EPHA6: variants seen among roughly 807,000 people sequenced by gnomAD.
EPHA6 encodes the protein ephrin type-A receptor 6.
Under a neutral mutation model 112.0 loss-of-function variants are expected in EPHA6, and 50 were observed. The ratio of observed to expected loss-of-function variants is 0.45; its 90% CI spans 0.36 to 0.56. The LOEUF is 0.56. Among genes scored for constraint, EPHA6 ranks in the 20% least tolerant of loss-of-function variants. EPHA6 has a pLI of 0.00. For missense variants in EPHA6, 1,280 were observed against 1,417.4 expected (o/e 0.90, Z 1.56); for synonymous variants, 529 against 490.7 (o/e 1.08, Z -1.03).
intron 4 of EPHA6, among the ~76,000 whole-genome samples, chr3:97,242,761 G>A (rs925141046): frequency 4.0e-5 from 6 of 151,754 alleles, no homozygotes; most frequent in Non-Finnish European, 5.9e-5. Context: ...TGCTTTCCAC[G>A]CTCTAAGCAG....
intron 2 of EPHA6, among the ~76,000 whole-genome samples, chr3:96,881,240 T>C (rs1385634793): frequency 1.3e-5 from 2 of 152,258 alleles, no homozygotes; most frequent in Admixed American, 1.3e-4. Flanking sequence ...TAAATCATTG[T>C]ATTAGTCTGC....
At chr3:97,270,092 G>A (rs548473115) in intron 5 of EPHA6, among the ~76,000 whole-genome samples, 6 of 152,050 alleles carry the variant, frequency 3.9e-5, no homozygotes, top group Middle Eastern at 3.4e-3. Context: ...TTGCCTAGAC[G>A]TAGTCAATAG....
intron 2 of EPHA6, among the ~76,000 whole-genome samples, chr3:96,953,825 G>C (rs1351961041): frequency 6.6e-6 from 1 of 151,842 alleles, no homozygotes; most frequent in African/African-American, 2.4e-5. Context: ...TATCTGTACT[G>C]CTGCTCTTCA....
chr3:97,371,465 C>T (rs146896602), intron 5 of EPHA6, among the ~76,000 whole-genome samples: 4,530 of 152,230 alleles, frequency 0.03, 216 homozygotes, highest in African/African-American at 0.099. Context: ...CACTTATCAC[C>T]TCCCCAATCA....
intron 3 of EPHA6, among the ~76,000 whole-genome samples, chr3:97,079,515 G>A (rs1438684269): frequency 6.6e-6 from 1 of 151,332 alleles, no homozygotes; most frequent in Admixed American, 6.6e-5. Context: ...TTAATACCTG[G>A]GTGATGAACT....
chr3:97,189,654 T>C (rs1406375654), intron 3 of EPHA6, among the ~76,000 whole-genome samples: 1 of 152,074 alleles, frequency 6.6e-6, no homozygotes, highest in Admixed American at 6.6e-5. Flanking sequence ...GTCCTTTAAT[T>C]GCAGCATTTA....
chr3:96,894,023 G>A (rs1171094720), intron 2 of EPHA6, among the ~76,000 whole-genome samples: 1 of 152,180 alleles, frequency 6.6e-6, no homozygotes, highest in African/African-American at 2.4e-5. Context: ...TCTGGAAACA[G>A]ATGCCTGGAA....
At chr3:97,086,733 T>C (rs1232773965) in intron 3 of EPHA6, among the ~76,000 whole-genome samples, 2 of 152,128 alleles carry the variant, frequency 1.3e-5, no homozygotes, top group African/African-American at 2.4e-5. Context: ...ATTTATTGAA[T>C]AAATTTATAC....
intron 6 of EPHA6, among the ~76,000 whole-genome samples, chr3:97,423,436 A>G (rs1431200832): frequency 3.3e-5 from 5 of 152,216 alleles, no homozygotes; most frequent in Non-Finnish European, 7.3e-5. Context: ...CTAAGAATAC[A>G]TCTAGCCAGG....
chr3:97,661,587 G>T (rs952808947), intron 14 of EPHA6, among the ~76,000 whole-genome samples: 1 of 152,104 alleles, frequency 6.6e-6, no homozygotes, highest in Non-Finnish European at 1.5e-5. Flanking sequence ...TGGGAGAATT[G>T]TAAAATTCTG....
Position 97,752,264 on chromosome 3 carries a change from AAAG to A in EPHA6, c.*3567_*3569del. 1 of 222,928 alleles carries A rather than the reference AAAG, an allele frequency of 4.5e-6. No individual in the cohort carries two copies. Among genetic ancestry groups the A allele is most frequent in the Non-Finnish European group, 9.0e-6 (1 of 111,518 alleles). The allele number at this position is 222,928 out of a possible 1,614,324, so 13.8% of individuals were successfully genotyped here. A position where few individuals can be genotyped will look rare whatever the true frequency, so the allele number is the denominator to read the frequency against. ...CCGATCCTTGAAAAGCAAAGGCTCT[AAAG>A]AAGCTCTTCAGAAGAGACGGTAAAG... On this transcript the variant is annotated 3_prime_UTR_variant, in exon 18 of 18. Coordinates refer to ENST00000389672, the MANE Select transcript of EPHA6 (RefSeq NM_001080448.3).
intron 5 of EPHA6, among the ~76,000 whole-genome samples, chr3:97,393,048 A>G (rs901189528): frequency 5.9e-5 from 9 of 151,866 alleles, no homozygotes; most frequent in African/African-American, 2.2e-4. Flanking sequence ...TGATTTTAAT[A>G]TAAACAGATG....
At chr3:96,839,532 G>C (rs2034611485) in intron 1 of EPHA6, among the ~76,000 whole-genome samples, 1 of 152,030 alleles carries the variant, frequency 6.6e-6, no homozygotes, top group Non-Finnish European at 1.5e-5. Flanking sequence ...GGTTTTGGAA[G>C]ACTTTAGTTG....
At chr3:97,612,336 G>A in intron 13 of EPHA6, 1 of 389,636 alleles carries the variant, frequency 2.6e-6, no homozygotes, top group Non-Finnish European at 5.0e-6. Flanking sequence ...CTTGGGTTAG[G>A]TTGGTTTTCT....
intron 11 of EPHA6, among the ~76,000 whole-genome samples, chr3:97,542,102 T>G (rs556548516): frequency 1.4e-4 from 22 of 151,900 alleles, no homozygotes; most frequent in East Asian, 1.2e-3. Context: ...TTGTTTTTTT[T>G]TTTTTATACT....
intron 3 of EPHA6, among the ~76,000 whole-genome samples, chr3:96,995,296 G>T (rs1430900039): frequency 2.6e-5 from 4 of 152,014 alleles, no homozygotes; most frequent in African/African-American, 9.7e-5. Context: ...GGAGTTTGAG[G>T]ATATGATGAA....
intron 1 of EPHA6, among the ~76,000 whole-genome samples, chr3:96,840,803 G>A (rs901655500): frequency 6.6e-6 from 1 of 152,104 alleles, no homozygotes; most frequent in Non-Finnish European, 1.5e-5. Flanking sequence ...AAAAAAGATG[G>A]AGATGTACTT....
At chr3:96,873,177 A>G (rs2036737577) in intron 2 of EPHA6, among the ~76,000 whole-genome samples, 1 of 151,996 alleles carries the variant, frequency 6.6e-6, no homozygotes, top group Non-Finnish European at 1.5e-5. Flanking sequence ...AGGCTGGAGA[A>G]TCACTTGAAT....
chr3:97,399,852 A>G (rs2086889762), intron 5 of EPHA6, among the ~76,000 whole-genome samples: 2 of 151,524 alleles, frequency 1.3e-5, no homozygotes, highest in Non-Finnish European at 3.0e-5. Context: ...TGTTGAATGA[A>G]TAGTAGTTTG....
Sources: allele counts gnomAD v4.1 joint callset (sites outside exome capture counted in the v4.1 genomes callset), GRCh38; gene constraint gnomAD v4.1.1; transcripts MANE v1.5; gene names NCBI Gene and HGNC (gene_info 2026-07-23, HGNC 2026-07-21).